FER: variants seen among roughly 807,000 people sequenced by gnomAD.
FER encodes FER tyrosine kinase.
Under a neutral mutation model 111.0 loss-of-function variants are expected in FER, and 63 were observed. The observed-to-expected ratio is 0.57, with a 90% CI of 0.46 to 0.70. FER has a LOEUF of 0.70. Among genes scored for constraint, FER ranks in the 30% least tolerant of loss-of-function variants. The pLI, the probability that FER is intolerant of heterozygous loss-of-function variation, is 0.00. For synonymous variants in FER, 327 were observed against 313.9 expected (o/e 1.04, Z -0.44); for missense variants, 914 against 954.0 (o/e 0.96, Z 0.55).
intron 3 of FER, among the ~76,000 whole-genome samples, chr5:108,817,052 A>G (rs1758348897): frequency 7.0e-6 from 1 of 142,996 alleles, no homozygotes; most frequent in African/African-American, 2.5e-5. Context: ...TGCAGTTAGC[A>G]GAGATCATGC....
chr5:108,908,993 T>C (rs1561598896), intron 10 of FER, among the ~76,000 whole-genome samples: 1 of 152,190 alleles, frequency 6.6e-6, no homozygotes, highest in Non-Finnish European at 1.5e-5. Flanking sequence ...ATGACATCAC[T>C]GTTCTCCAGC....
chr5:108,891,688 A>C (rs1057395645), intron 9 of FER: 1 of 141,576 alleles, frequency 7.1e-6, no homozygotes, highest in Non-Finnish European at 1.5e-5. Context: ...ATTATACTTT[A>C]CGTTTTAGGG....
rs555203569 is a variant in FER, at chr5:109,087,100, A to G, written c.1925-13296A>G. 2.0e-4 allele frequency among the ~76,000 whole-genome samples: 31 copies of G among 151,332 alleles called. No individual in the cohort carries two copies. In the East Asian group the frequency reaches 5.6e-3, roughly 27 times the overall value. Reference sequence around the variant, plus strand: ...TGAGGTACTGAGGGTTAGGACTTAAATATAATAATTTTGGAGAGACAAATT... The same window carrying G: ...TGAGGTACTGAGGGTTAGGACTTAAGTATAATAATTTTGGAGAGACAAATT... On this transcript the variant is annotated intron_variant, in intron 16 of 19. Transcript: ENST00000281092.
At chr5:108,877,707 TA>T (rs1260484601) in intron 8 of FER, among the ~76,000 whole-genome samples, 1 of 152,228 alleles carries the variant, frequency 6.6e-6, no homozygotes, top group Non-Finnish European at 1.5e-5. Flanking sequence ...ATGTCACACT[TA>T]AAGTTTCAGC....
intron 17 of FER, among the ~76,000 whole-genome samples, chr5:109,176,932 A>C (rs7735432): frequency 0.038 from 5,840 of 152,308 alleles, 399 homozygotes; most frequent in African/African-American, 0.13. Flanking sequence ...ATGTACAATT[A>C]AAGTCAGGTT....
chr5:109,000,166 T>C (rs139751553), intron 13 of FER, among the ~76,000 whole-genome samples: 94 of 151,870 alleles, frequency 6.2e-4, no homozygotes, highest in African/African-American at 2.1e-3. Flanking sequence ...ATAAGTTTAT[T>C]TGAGACTAAA....
intron 13 of FER, among the ~76,000 whole-genome samples, chr5:109,021,224 T>C (rs148128080): frequency 2.5e-3 from 375 of 152,146 alleles, no homozygotes; most frequent in Non-Finnish European, 4.3e-3. Context: ...TTTTAGCCGG[T>C]GTGCTTACTA....
chr5:108,824,799 G>T (rs1353397641), intron 3 of FER, among the ~76,000 whole-genome samples: 1 of 151,952 alleles, frequency 6.6e-6, no homozygotes, highest in Non-Finnish European at 1.5e-5. Context: ...GAGATTATCG[G>T]GGGACCTGCC....
At chr5:108,835,330 C>T (rs1055256852) in intron 4 of FER, among the ~76,000 whole-genome samples, 6 of 151,688 alleles carry the variant, frequency 4.0e-5, no homozygotes, top group South Asian at 2.1e-4. Flanking sequence ...TATAGGCATG[C>T]GCCACCATAG....
chr5:108,968,949 C>A (rs534514355), intron 13 of FER, among the ~76,000 whole-genome samples: 1 of 151,798 alleles, frequency 6.6e-6, no homozygotes, highest in African/African-American at 2.4e-5. Context: ...GCCCCATTCT[C>A]AGTAAAATAA....
intron 3 of FER, among the ~76,000 whole-genome samples, chr5:108,819,647 C>T (rs1029549821): frequency 1.3e-5 from 2 of 152,198 alleles, no homozygotes; most frequent in African/African-American, 2.4e-5. Context: ...GAGAGCGTCT[C>T]TCTCATTTAG....
chr5:109,040,702 G>A (rs534379837), intron 14 of FER, among the ~76,000 whole-genome samples: 1 of 152,108 alleles, frequency 6.6e-6, no homozygotes, highest in South Asian at 2.1e-4. Flanking sequence ...TCAAGAGAAT[G>A]ATTTGTGCTT....
At chr5:109,124,370 CTTAGACTG>C (rs1751396227) in intron 17 of FER, among the ~76,000 whole-genome samples, 1 of 152,210 alleles carries the variant, frequency 6.6e-6, no homozygotes, top group South Asian at 2.1e-4. Flanking sequence ...GTGGCTTGTG[CTTAGACTG>C]TTGGTTCTTA....
chr5:109,051,695 G>A (rs1772853881), intron 16 of FER: 1 of 1,570,242 alleles, frequency 6.4e-7, no homozygotes, highest in South Asian at 1.1e-5. Context: ...TCTTTGGCGG[G>A]GCTCAGCGGG....
intron 13 of FER, among the ~76,000 whole-genome samples, chr5:109,007,414 C>G (rs1349430698): frequency 6.6e-6 from 1 of 152,000 alleles, no homozygotes; most frequent in East Asian, 1.9e-4. Flanking sequence ...CCACCACAGT[C>G]AAATTATAGA....
At chr5:108,929,326 C>G (rs1006385806) in intron 10 of FER, among the ~76,000 whole-genome samples, 1 of 152,142 alleles carries the variant, frequency 6.6e-6, no homozygotes, top group African/African-American at 2.4e-5. Context: ...GAATGTGTTA[C>G]TGCTAATCCA....
intron 13 of FER, among the ~76,000 whole-genome samples, chr5:109,011,511 C>G (rs60946864): frequency 0.12 from 17,854 of 152,146 alleles, 1,104 homozygotes; most frequent in Non-Finnish European, 0.14. Flanking sequence ...TATTAGCATG[C>G]CATTTGTAAT....
intron 13 of FER, 41 bp from the exon 14 acceptor site, chr5:109,037,381 C>T (rs777721986): frequency 1.9e-6 from 3 of 1,558,310 alleles, no homozygotes; most frequent in Admixed American, 1.7e-5. Context: ...AGAAGTGTAC[C>T]CTTGCTTGTA....
In FER at chr5:108,897,828, G is replaced by A. The variant is rs1749375763; in HGVS notation, c.1216G>A (p.Ala406Thr). The change falls in exon 10 of 20, where the codon GCA becomes ACA. Residue 406 changes from alanine (A) to threonine (T), a missense_variant. This residue lies in a region of FER where 774 missense variants were observed against 782.6 expected (regional missense o/e 0.99). Coordinates refer to ENST00000281092, the MANE Select transcript of FER (RefSeq NM_005246.4). ...TCCAGTAGTAAATTATGAAGAAGATGCACGATCAGTTACATCTATGGTAAG... is the reference window on the plus strand; with the variant it reads ...TCCAGTAGTAAATTATGAAGAAGATACACGATCAGTTACATCTATGGTAAG... ...PPPVVNYEED[A>T]RSVTSMERKE... is the part of the protein sequence containing the mutation. The A allele has an allele frequency of 5.0e-6, 8 of 1,611,456 alleles. No individual in the cohort carries two copies. Among genetic ancestry groups the A allele is most frequent in the Non-Finnish European group, 4.2e-6 (5 of 1,179,000 alleles).
Sources: gnomAD v4.1 joint callset for allele counts (sites outside exome capture counted in the v4.1 genomes callset) on GRCh38, gnomAD v4.1.1 for gene constraint, gnomAD v4.1.1 regional missense constraint, MANE v1.5 for transcripts, NCBI Gene and HGNC (gene_info 2026-07-23, HGNC 2026-07-21) for gene names.